ATP2B2: variants seen among roughly 807,000 people sequenced by gnomAD.
ATP2B2 encodes ATPase plasma membrane Ca2+ transporting 2, also known as plasma membrane calcium-transporting ATPase 2.
ATP2B2 carries 15 observed loss-of-function variants against 120.0 expected under a neutral mutation model. The observed-to-expected ratio is 0.12, with a 90% CI of 0.08 to 0.19. ATP2B2 has a LOEUF of 0.19. Among genes scored for constraint, ATP2B2 ranks in the 10% least tolerant of loss-of-function variants. The pLI is 1.00. For missense variants in ATP2B2, 1,045 were observed against 1,719.8 expected, an observed-to-expected ratio of 0.61 and a Z score of 6.94; for synonymous variants, 694 against 700.3, an observed-to-expected ratio of 0.99 and a Z score of 0.14.
chr3:10,374,867 G>A (rs1361200253), intron 11 of ATP2B2, among the ~76,000 whole-genome samples: 1 of 152,174 alleles, frequency 6.6e-6, no homozygotes, highest in Non-Finnish European at 1.5e-5. Context: ...AGGGGAGGAG[G>A]CTTCTATGAA....
intron 2 of ATP2B2, among the ~76,000 whole-genome samples, chr3:10,445,795 G>T (rs2063817289): frequency 6.6e-6 from 1 of 152,234 alleles, no homozygotes; most frequent in South Asian, 2.1e-4. Context: ...TTAGGGGTAG[G>T]GGGTGTCGGG....
At chr3:10,547,447 G>C (rs975467992) in intron 2 of ATP2B2, among the ~76,000 whole-genome samples, 1 of 152,186 alleles carries the variant, frequency 6.6e-6, no homozygotes, top group Non-Finnish European at 1.5e-5. Context: ...GATTCTTAGA[G>C]AGAGGAAGTC....
intron 2 of ATP2B2, among the ~76,000 whole-genome samples, chr3:10,588,043 G>A (rs548644004): frequency 1.1e-4 from 16 of 152,210 alleles, no homozygotes; most frequent in Non-Finnish European, 1.6e-4. Flanking sequence ...GTATTCTCTC[G>A]TGGATTTTAC....
At chr3:10,680,395 G>A (rs1346976161) in intron 1 of ATP2B2, among the ~76,000 whole-genome samples, 1 of 152,130 alleles carries the variant, frequency 6.6e-6, no homozygotes, top group African/African-American at 2.4e-5. Flanking sequence ...GTCTGTCTCT[G>A]TGGGAGCGAC....
intron 6 of ATP2B2, chr3:10,387,752 G>C (rs1575088610): frequency 5.5e-6 from 1 of 183,452 alleles, no homozygotes. Context: ...CAGACAAGAT[G>C]GTAGGTCTGG....
At position 10,354,927 on chromosome 3, in the gene ATP2B2, G is replaced by A. The variant is rs562753868; in HGVS notation, c.2136+3764C>T. ...GACAAATAATTCTGCATAAAGGGAC[G>A]AGTCCAGGAGGACAGAGCTCTGGGG... On this transcript the variant is annotated intron_variant, in intron 14 of 22. Transcript: ENST00000360273. Among the ~76,000 whole-genome samples, 9 of 152,196 alleles carry A rather than the reference G, an allele frequency of 5.9e-5. No homozygotes were observed. In the East Asian group the frequency reaches 9.7e-4, roughly 16 times the overall value.
At chr3:10,562,362 G>A (rs763400415) in intron 2 of ATP2B2, among the ~76,000 whole-genome samples, 10 of 152,182 alleles carry the variant, frequency 6.6e-5, no homozygotes, top group Non-Finnish European at 1.5e-4. Flanking sequence ...GAGCTTGTGC[G>A]TGGGTGGGGG....
rs577233666 is a variant in ATP2B2 at position 10,479,398 on chromosome 3, C to T, written c.-320+26067G>A. Among the ~76,000 whole-genome samples, 6 of 151,940 alleles carry T rather than the reference C, an allele frequency of 3.9e-5. 1 individual carries two copies. In the South Asian group the frequency reaches 1.0e-3, roughly 26 times the overall value. ...GAATGCTGTTCCCTCCCTATCATCA[C>T]CTAGTAAACTCCTACTCTTCCTCCT... On this transcript the variant is annotated intron_variant, in intron 1 of 22. Transcript: ENST00000360273.
intron 12 of ATP2B2, among the ~76,000 whole-genome samples, chr3:10,365,474 G>T (rs1051206203): frequency 3.3e-5 from 5 of 152,210 alleles, no homozygotes; most frequent in African/African-American, 1.2e-4. Context: ...CCCCAGAGTG[G>T]GGGAGGGCAG....
intron 1 of ATP2B2, among the ~76,000 whole-genome samples, chr3:10,471,055 G>A (rs894395853): frequency 5.3e-5 from 8 of 152,200 alleles, no homozygotes; most frequent in African/African-American, 1.9e-4. Flanking sequence ...GGCACAAGCT[G>A]CTATTTATAA....
chr3:10,658,968 C>G (rs1298287271), intron 1 of ATP2B2, among the ~76,000 whole-genome samples: 1 of 152,078 alleles, frequency 6.6e-6, no homozygotes, highest in African/African-American at 2.4e-5. Context: ...GAATTTTCAA[C>G]CCAGAATTTC....
chr3:10,601,283 C>T (rs947198410), intron 2 of ATP2B2, among the ~76,000 whole-genome samples: 1 of 152,180 alleles, frequency 6.6e-6, no homozygotes, highest in Non-Finnish European at 1.5e-5. Flanking sequence ...ACAGAGGAGT[C>T]CAGTTCGGTC....
chr3:10,585,493 G>GAAAAAAA lies in ATP2B2; in HGVS notation c.-415+34417_-415+34423dup, dbSNP rs60670471. Among the ~76,000 whole-genome samples, 7 of 28,510 alleles carry GAAAAAAA rather than the reference G, an allele frequency of 2.5e-4. 2 individuals are homozygous for GAAAAAAA. The East Asian group carries it at 7.8e-3, about 32-fold the overall frequency. The allele number at this position is 28,510 out of a possible 152,430, so 18.7% of individuals were successfully genotyped here. On this transcript the variant is annotated intron_variant, in intron 2 of 21. Transcript: ENST00000646379. ...TGGGCGACAGAGCGAGACTCCGTCT[G>GAAAAAAA]AAAAAAAAAAAAAAAAAAAAAAAAG...
chr3:10,404,728 T>A (rs756417020), intron 3 of ATP2B2, among the ~76,000 whole-genome samples: 2 of 152,142 alleles, frequency 1.3e-5, no homozygotes, highest in East Asian at 3.9e-4. Context: ...GTGCCTCCTG[T>A]ACCACCATGA....
chr3:10,684,778 AGCAACAAAGTCTAATTAAGTCTATG>A (rs2071475728), intron 1 of ATP2B2, among the ~76,000 whole-genome samples: 1 of 152,252 alleles, frequency 6.6e-6, no homozygotes, highest in East Asian at 1.9e-4. Context: ...GGGTCACACT[AGCAACAAAGTCTAATTAAGTCTATG>A]GCAACAAGTT....
At chr3:10,578,509 T>A (rs2068306643) in intron 2 of ATP2B2, among the ~76,000 whole-genome samples, 1 of 150,508 alleles carries the variant, frequency 6.6e-6, no homozygotes, top group Non-Finnish European at 1.5e-5. Context: ...ATCTCGCCAC[T>A]GCACTCCAGC....
intron 1 of ATP2B2, among the ~76,000 whole-genome samples, chr3:10,477,996 C>T (rs2111751): frequency 0.44 from 66,594 of 152,042 alleles, 15,887 homozygotes; most frequent in East Asian, 0.99. Flanking sequence ...ATTTTACAGT[C>T]CTACTAGAAT....
intron 1 of ATP2B2, among the ~76,000 whole-genome samples, chr3:10,704,662 T>G (rs1002755987): frequency 6.6e-6 from 1 of 152,218 alleles, no homozygotes; most frequent in Non-Finnish European, 1.5e-5. Context: ...GTTAGCTCCC[T>G]TTTTTGGGTT....
At chr3:10,336,652 G>A (rs554380646) in intron 22 of ATP2B2, among the ~76,000 whole-genome samples, 2 of 152,314 alleles carry the variant, frequency 1.3e-5, no homozygotes, top group South Asian at 2.1e-4. Flanking sequence ...TGGAGGTAGA[G>A]GGTGTGGTGG....
Sources: gnomAD v4.1 joint callset for allele counts (sites outside exome capture counted in the v4.1 genomes callset) on GRCh38, gnomAD v4.1.1 for gene constraint, MANE v1.5 for transcripts, NCBI Gene and HGNC (gene_info 2026-07-23, HGNC 2026-07-21) for gene names.